The following LYPLAL1 variants were observed in gnomAD, a reference collection of about 807,000 sequenced individuals.
The protein encoded by LYPLAL1 is lysophospholipase like 1.
LYPLAL1 carries 23 observed loss-of-function variants against 19.7 expected under a neutral mutation model. That is an observed-to-expected ratio of 1.17 (90% confidence interval 0.84 to 1.65). The LOEUF is 1.65. Among genes scored for constraint, LYPLAL1 ranks in the 40% most tolerant of loss-of-function variants. The probability of loss-of-function intolerance (pLI) is 0.00; values close to 1 mark genes in which losing one functional copy is unlikely to be tolerated. For missense variants in LYPLAL1, 355 were observed against 279.4 expected (o/e 1.27, Z -1.93); for synonymous variants, 119 against 96.3 (o/e 1.24, Z -1.38).
At chr1:219,297,947 A>C in the LYPLAL1 span, among the ~76,000 whole-genome samples, 1 of 152,196 alleles carries the variant, frequency 6.6e-6, no homozygotes, top group Admixed American at 6.5e-5. Flanking sequence ...CATTTTATAG[A>C]TAGAGACTCA....
the LYPLAL1 span, among the ~76,000 whole-genome samples, chr1:219,365,746 G>T: frequency 6.6e-6 from 1 of 152,072 alleles, no homozygotes; most frequent in Non-Finnish European, 1.5e-5. Context: ...TGATATATGG[G>T]AATCGGGTCC....
chr1:219,217,407 TGA>T (rs796377685), downstream of LYPLAL1, among the ~76,000 whole-genome samples: 35,445 of 116,108 alleles, frequency 0.31, 4,406 homozygotes, highest in East Asian at 0.36. Context: ...TGTGTGTGTG[TGA>T]GAGATGGTTG....
chr1:219,200,362 C>T, intron 3 of LYPLAL1: 1 of 200,842 alleles, frequency 5.0e-6, no homozygotes, highest in South Asian at 1.0e-4. Flanking sequence ...GACAGAGGAA[C>T]ACCATGGCCA....
At chr1:219,392,304 TA>T in the LYPLAL1 span, among the ~76,000 whole-genome samples, 1 of 152,222 alleles carries the variant, frequency 6.6e-6, no homozygotes, top group Non-Finnish European at 1.5e-5. Context: ...GCTGTAATTT[TA>T]AAGTAAATGA....
At chr1:219,179,410 G>A (rs1656081523) in intron 2 of LYPLAL1, 164 bp downstream of exon 2, 1 of 588,728 alleles carries the variant, frequency 1.7e-6, no homozygotes, top group Non-Finnish European at 2.9e-6. Flanking sequence ...TTACACTGTT[G>A]GACCAAGTTT....
the LYPLAL1 span, among the ~76,000 whole-genome samples, chr1:219,333,262 C>G: frequency 6.6e-6 from 1 of 152,062 alleles, no homozygotes; most frequent in Non-Finnish European, 1.5e-5. Context: ...GTCCCATATT[C>G]CAGGAACTAG....
chr1:219,327,411 G>A, the LYPLAL1 span, among the ~76,000 whole-genome samples: 3 of 152,270 alleles, frequency 2.0e-5, no homozygotes, highest in East Asian at 3.9e-4. Flanking sequence ...ATTTGAAATG[G>A]CGAGGCAATT....
the LYPLAL1 span, among the ~76,000 whole-genome samples, chr1:219,372,733 C>T: frequency 1.3e-5 from 2 of 151,874 alleles, no homozygotes; most frequent in African/African-American, 4.8e-5. Flanking sequence ...AACCCTGCCT[C>T]TACAAAAAAA....
At chr1:219,433,486 T>G in the LYPLAL1 span, among the ~76,000 whole-genome samples, 3 of 152,214 alleles carry the variant, frequency 2.0e-5, no homozygotes, top group African/African-American at 4.8e-5. Context: ...CATTAAATCC[T>G]TCTTCCAGAA....
chr1:219,435,658 G>C, the LYPLAL1 span, among the ~76,000 whole-genome samples: 1 of 151,826 alleles, frequency 6.6e-6, no homozygotes, highest in African/African-American at 2.4e-5. Context: ...AACCCCGTCT[G>C]TACTAAAAAT....
At chr1:219,407,911 T>C in the LYPLAL1 span, among the ~76,000 whole-genome samples, 5 of 152,202 alleles carry the variant, frequency 3.3e-5, no homozygotes, top group Non-Finnish European at 5.9e-5. Context: ...AGAAACAGGA[T>C]GAGAGAGCTC....
chr1:219,313,246 G>A, the LYPLAL1 span, among the ~76,000 whole-genome samples: 1 of 152,150 alleles, frequency 6.6e-6, no homozygotes, highest in Non-Finnish European at 1.5e-5. Context: ...CCACTACTGA[G>A]TTGTGAGTCA....
At chr1:219,176,802 TC>T (rs1655855239) in intron 1 of LYPLAL1, among the ~76,000 whole-genome samples, 2 of 152,218 alleles carry the variant, frequency 1.3e-5, no homozygotes, top group Admixed American at 1.3e-4. Context: ...CTAGACAAGT[TC>T]ATCTAACTGC....
chr1:219,299,031 C>A, the LYPLAL1 span, among the ~76,000 whole-genome samples: 7 of 151,996 alleles, frequency 4.6e-5, no homozygotes, highest in Admixed American at 3.9e-4. Context: ...AGCATTAACA[C>A]AATCTTGGTT....
the LYPLAL1 span, among the ~76,000 whole-genome samples, chr1:219,419,594 C>CAGAGAGAGAGAGAGAGAGAG: frequency 9.0e-5 from 9 of 99,524 alleles, no homozygotes; most frequent in African/African-American, 2.8e-4. Flanking sequence ...CACACACACA[C>CAGAGAGAGAGAGAGAGAGAG]AGAGAGAGAG....
At chr1:219,283,020 G>T in the LYPLAL1 span, among the ~76,000 whole-genome samples, 1 of 152,240 alleles carries the variant, frequency 6.6e-6, no homozygotes, top group South Asian at 2.1e-4. Flanking sequence ...GAGATGAAAT[G>T]AATGTGTTTG....
intron 2 of LYPLAL1, among the ~76,000 whole-genome samples, chr1:219,180,262 A>G (rs1184942613): frequency 6.6e-6 from 1 of 152,212 alleles, no homozygotes; most frequent in Non-Finnish European, 1.5e-5. Context: ...CTGGAATTAC[A>G]GGCATGAGGC....
At chr1:219,373,986 C>A in the LYPLAL1 span, among the ~76,000 whole-genome samples, 3 of 151,696 alleles carry the variant, frequency 2.0e-5, no homozygotes, top group East Asian at 5.8e-4. Context: ...TTTCTGCCTG[C>A]AAATTTTTAA....
the LYPLAL1 span, among the ~76,000 whole-genome samples, chr1:219,247,762 G>A: frequency 6.6e-6 from 1 of 152,112 alleles, no homozygotes; most frequent in Non-Finnish European, 1.5e-5. Flanking sequence ...GTTGGCTTCT[G>A]GCATATGAGT....
Sources: allele counts gnomAD v4.1 joint callset (sites outside exome capture counted in the v4.1 genomes callset), GRCh38; gene constraint gnomAD v4.1.1; transcripts MANE v1.5; gene names NCBI Gene and HGNC (gene_info 2026-07-23, HGNC 2026-07-21).